The following KRABD5 variants were observed in gnomAD, a reference collection of about 807,000 sequenced individuals.
KRABD5 encodes KRAB domain containing 5, also known as KRAB domain-containing protein 5.
the KRABD5 span, among the ~76,000 whole-genome samples, chr16:31,717,289 C>G: frequency 1.3e-5 from 2 of 152,126 alleles, no homozygotes; most frequent in South Asian, 4.1e-4. Context: ...AGCCACTGTG[C>G]CTGGCTGTCA....
At chr16:31,726,220 A>G in the KRABD5 span, among the ~76,000 whole-genome samples, 1 of 152,170 alleles carries the variant, frequency 6.6e-6, no homozygotes, top group Admixed American at 6.5e-5. Context: ...AGCATCATTT[A>G]TTGAAGAGAC....
chr16:31,739,015 G>A, the KRABD5 span, among the ~76,000 whole-genome samples: 1 of 152,068 alleles, frequency 6.6e-6, no homozygotes, highest in African/African-American at 2.4e-5. Flanking sequence ...GAATCCATTA[G>A]CACAGATTTG....
the KRABD5 span, among the ~76,000 whole-genome samples, chr16:31,728,184 T>A: frequency 5.2e-3 from 791 of 152,320 alleles, 5 homozygotes; most frequent in African/African-American, 0.018. Flanking sequence ...CCTCTCTCTT[T>A]TTGATCCTTT....
At chr16:31,730,241 T>TG in the KRABD5 span, among the ~76,000 whole-genome samples, 980 of 151,724 alleles carry the variant, frequency 6.5e-3, 10 homozygotes, top group African/African-American at 0.023. Context: ...TTTTTTTTGG[T>TG]GGGGGGGTCT....
chr16:31,746,209 T>A, the KRABD5 span, among the ~76,000 whole-genome samples: 71 of 152,272 alleles, frequency 4.7e-4, no homozygotes, highest in African/African-American at 1.5e-3. Context: ...TTCTTCACAG[T>A]GTCATTAGTC....
chr16:31,753,755 G>T, the KRABD5 span: 1 of 1,456,602 alleles, frequency 6.9e-7, no homozygotes, highest in African/African-American at 1.4e-5. Context: ...AAAACTTTTG[G>T]TATCTTTCAG....
the KRABD5 span, among the ~76,000 whole-genome samples, chr16:31,734,838 C>T: frequency 6.6e-6 from 1 of 151,798 alleles, no homozygotes; most frequent in Non-Finnish European, 1.5e-5. Flanking sequence ...CCTCTGCCTC[C>T]TGGGTTCAAG....
At chr16:31,731,149 G>T in the KRABD5 span, among the ~76,000 whole-genome samples, 1 of 152,160 alleles carries the variant, frequency 6.6e-6, no homozygotes, top group African/African-American at 2.4e-5. Flanking sequence ...ATGTGAAGGA[G>T]CAAACCTCTC....
At chr16:31,735,823 G>A in the KRABD5 span, among the ~76,000 whole-genome samples, 1 of 152,032 alleles carries the variant, frequency 6.6e-6, no homozygotes, top group African/African-American at 2.4e-5. Context: ...TTAACCTCTT[G>A]TCATATGTAT....
chr16:31,714,126 C>T, the KRABD5 span, among the ~76,000 whole-genome samples: 1 of 152,318 alleles, frequency 6.6e-6, no homozygotes, highest in East Asian at 1.9e-4. Flanking sequence ...CCATATTCTA[C>T]TGCTATCTGG....
chr16:31,716,050 T>A, the KRABD5 span, among the ~76,000 whole-genome samples: 1 of 152,198 alleles, frequency 6.6e-6, no homozygotes, highest in African/African-American at 2.4e-5. Context: ...GGCGTCGCCA[T>A]GCCCCTTTCA....
chr16:31,759,448 A>C, the KRABD5 span: 10 of 1,527,026 alleles, frequency 6.5e-6, no homozygotes, highest in Non-Finnish European at 8.9e-6. Flanking sequence ...GGGTGATGAA[A>C]GTGTTGCTTC....
chr16:31,723,222 C>A, the KRABD5 span: 7 of 1,597,152 alleles, frequency 4.4e-6, no homozygotes, highest in South Asian at 7.9e-5. Flanking sequence ...TAAAGAACTC[C>A]CAGCAAGAGT....
chr16:31,731,683 G>A, the KRABD5 span, among the ~76,000 whole-genome samples: 1 of 152,128 alleles, frequency 6.6e-6, no homozygotes, highest in Non-Finnish European at 1.5e-5. Context: ...AAACTTACAG[G>A]GCTACTTTAA....
the KRABD5 span, among the ~76,000 whole-genome samples, chr16:31,749,627 G>A: frequency 6.6e-6 from 1 of 152,204 alleles, no homozygotes; most frequent in Admixed American, 6.5e-5. Flanking sequence ...ACAGTTCCCT[G>A]GAAGAAGCAT....
the KRABD5 span, among the ~76,000 whole-genome samples, chr16:31,723,748 G>T: frequency 6.6e-6 from 1 of 152,168 alleles, no homozygotes; most frequent in Non-Finnish European, 1.5e-5. Flanking sequence ...GCGAGTGATG[G>T]ACAGTAGGAT....
At chr16:31,734,289 T>C in the KRABD5 span, among the ~76,000 whole-genome samples, 1 of 151,918 alleles carries the variant, frequency 6.6e-6, no homozygotes, top group African/African-American at 2.4e-5. Flanking sequence ...CTCACTGTGT[T>C]ACCCAGGCTG....
At chr16:31,716,818 T>G in the KRABD5 span, among the ~76,000 whole-genome samples, 1 of 152,178 alleles carries the variant, frequency 6.6e-6, no homozygotes, top group Non-Finnish European at 1.5e-5. Flanking sequence ...CAAATACAAA[T>G]TAAAAATATG....
the KRABD5 span, among the ~76,000 whole-genome samples, chr16:31,736,015 T>C: frequency 6.6e-6 from 1 of 152,218 alleles, no homozygotes; most frequent in Non-Finnish European, 1.5e-5. Flanking sequence ...TTTCATCTAA[T>C]AGTTTCATAG....
Sources: allele counts gnomAD v4.1 joint callset (sites outside exome capture counted in the v4.1 genomes callset), GRCh38; gene constraint gnomAD v4.1.1; transcripts MANE v1.5; gene names NCBI Gene and HGNC (gene_info 2026-07-23, HGNC 2026-07-21).